CHODL: variants seen among roughly 807,000 people sequenced by gnomAD.
CHODL encodes chondrolectin.
A neutral mutation model predicts 34.5 loss-of-function variants in CHODL; 29 were observed. The observed-to-expected ratio is 0.84, with a 90% CI of 0.63 to 1.15. CHODL has a LOEUF of 1.15. Among genes scored for constraint, CHODL ranks in the 50% most tolerant of loss-of-function variants. CHODL has a pLI of 0.00. For missense variants in CHODL, 332 were observed against 332.5 expected, an observed-to-expected ratio of 1.00 and a Z score of 0.01; for synonymous variants, 125 against 116.1, an observed-to-expected ratio of 1.08 and a Z score of -0.49.
At chr21:18,029,351 TG>T (rs2064220789) in intron 2 of CHODL, among the ~76,000 whole-genome samples, 1 of 152,150 alleles carries the variant, frequency 6.6e-6, no homozygotes, top group Non-Finnish European at 1.5e-5. Context: ...GCCACATGTC[TG>T]ACATTGTTTG....
intron 2 of CHODL, among the ~76,000 whole-genome samples, chr21:18,110,435 G>A (rs2065334115): frequency 6.6e-6 from 1 of 152,166 alleles, no homozygotes; most frequent in Non-Finnish European, 1.5e-5. Context: ...TGGGCCTTAA[G>A]AGACTGCAAT....
In CHODL at chr21:18,214,281, A is replaced by G. The variant is rs536885883; in HGVS notation, c.-44-42228A>G. The stretch of plus-strand genomic sequence containing the variant: ...AAGCTTTATCATGTCTGTTCATTAT[A>G]TTGGATCACACCTTCCTCTGACCTT... On this transcript the variant is annotated intron_variant, in intron 2 of 6. Transcript: ENST00000400127. Among the ~76,000 whole-genome samples the G allele has an allele frequency of 6.4e-4, 98 of 152,222 alleles. 1 individual carries two copies. The highest frequency in any genetic ancestry group is 2.3e-3 in the African/African-American group (96 of 41,576).
intron 2 of CHODL, among the ~76,000 whole-genome samples, chr21:18,157,610 T>C (rs2073049263): frequency 1.3e-5 from 2 of 152,218 alleles, no homozygotes; most frequent in African/African-American, 4.8e-5. Flanking sequence ...ATTTGGGTCA[T>C]AACATGTGAG....
intron 1 of CHODL, among the ~76,000 whole-genome samples, chr21:18,246,435 T>C (rs2074142615): frequency 6.6e-6 from 1 of 152,198 alleles, no homozygotes; most frequent in Non-Finnish European, 1.5e-5. Flanking sequence ...TTAAGCTTAA[T>C]TGTCACTGAT....
chr21:17,987,351 A>G (rs1032122467), intron 1 of CHODL, among the ~76,000 whole-genome samples: 8 of 152,204 alleles, frequency 5.3e-5, no homozygotes, highest in Non-Finnish European at 1.2e-4. Flanking sequence ...TCTTTTTCTC[A>G]GCTGTAATCA....
intron 1 of CHODL, among the ~76,000 whole-genome samples, chr21:17,982,640 A>G (rs182875574): frequency 6.7e-4 from 100 of 149,608 alleles, no homozygotes; most frequent in Middle Eastern, 6.8e-3. Flanking sequence ...CAATTTCTCT[A>G]TCTAGTTAGT....
At chr21:17,923,782 TC>T (rs2063202333) in intron 1 of CHODL, among the ~76,000 whole-genome samples, 1 of 152,060 alleles carries the variant, frequency 6.6e-6, no homozygotes, top group Admixed American at 6.6e-5. Flanking sequence ...TTTATACAAG[TC>T]CCAAAGGCCA....
intron 2 of CHODL, among the ~76,000 whole-genome samples, chr21:18,119,542 A>C (rs1389389575): frequency 6.6e-6 from 1 of 152,116 alleles, no homozygotes; most frequent in Non-Finnish European, 1.5e-5. Flanking sequence ...TTGGCTTAAG[A>C]TCTACATGAA....
chr21:17,956,008 T>C (rs1413279307), intron 1 of CHODL, among the ~76,000 whole-genome samples: 1 of 135,662 alleles, frequency 7.4e-6, no homozygotes. Context: ...TTTCAGGGAG[T>C]CTTTTCATAT....
intron 1 of CHODL, among the ~76,000 whole-genome samples, chr21:17,975,389 A>G (rs953005486): frequency 1.3e-5 from 2 of 152,174 alleles, no homozygotes; most frequent in African/African-American, 4.8e-5. Flanking sequence ...AATCCCTGTG[A>G]CACAAATTTT....
chr21:18,017,131 C>T (rs948809141), intron 1 of CHODL, among the ~76,000 whole-genome samples: 1 of 152,090 alleles, frequency 6.6e-6, no homozygotes, highest in Non-Finnish European at 1.5e-5. Context: ...TGAGTTAAGA[C>T]TTTGCGGGAT....
intron 1 of CHODL, among the ~76,000 whole-genome samples, chr21:18,027,301 A>T (rs2064186801): frequency 6.6e-6 from 1 of 152,146 alleles, no homozygotes; most frequent in Admixed American, 6.6e-5. Context: ...AATAAATAAA[A>T]AAAACTCTCC....
At chr21:18,124,346 G>T (rs2065516984) in intron 2 of CHODL, among the ~76,000 whole-genome samples, 1 of 152,128 alleles carries the variant, frequency 6.6e-6, no homozygotes, top group Non-Finnish European at 1.5e-5. Context: ...CACCCACCAT[G>T]TGCTTGGCCC....
chr21:18,253,175 G>A (rs992783868), intron 1 of CHODL, among the ~76,000 whole-genome samples: 4 of 151,920 alleles, frequency 2.6e-5, no homozygotes, highest in Non-Finnish European at 5.9e-5. Flanking sequence ...AATCTGTGCT[G>A]CATTTATTTT....
intron 2 of CHODL, among the ~76,000 whole-genome samples, chr21:18,091,101 G>A (rs562913030): frequency 6.6e-6 from 1 of 152,302 alleles, no homozygotes; most frequent in South Asian, 2.1e-4. Flanking sequence ...TGTCACAGCA[G>A]AGAATAAAGC....
chr21:17,954,220 G>C (rs1025928700), intron 1 of CHODL, among the ~76,000 whole-genome samples: 5 of 152,066 alleles, frequency 3.3e-5, no homozygotes, highest in Non-Finnish European at 5.9e-5. Context: ...TATTGGGAAG[G>C]CATAAAAGTC....
chr21:18,073,286 C>T (rs943201548), intron 2 of CHODL, among the ~76,000 whole-genome samples: 6 of 152,058 alleles, frequency 3.9e-5, no homozygotes, highest in African/African-American at 1.4e-4. Flanking sequence ...TGCCAGGCAA[C>T]AAGTTTTAAA....
At chr21:18,150,823 C>A (rs2072955542) in intron 2 of CHODL, among the ~76,000 whole-genome samples, 2 of 152,032 alleles carry the variant, frequency 1.3e-5, no homozygotes, top group Non-Finnish European at 2.9e-5. Flanking sequence ...TGGTGGCTCA[C>A]TTCTGTAATC....
chr21:18,158,858 A>AG (rs1196303136), intron 2 of CHODL, among the ~76,000 whole-genome samples: 6 of 150,354 alleles, frequency 4.0e-5, no homozygotes, highest in African/African-American at 1.2e-4. Flanking sequence ...AAAAAAAAGA[A>AG]GAAGAAAAGA....
Sources: gnomAD v4.1 joint callset for allele counts (sites outside exome capture counted in the v4.1 genomes callset) on GRCh38, gnomAD v4.1.1 for gene constraint, MANE v1.5 for transcripts, NCBI Gene and HGNC (gene_info 2026-07-23, HGNC 2026-07-21) for gene names.